The following FSTL4 variants were observed in gnomAD, a reference collection of about 807,000 sequenced individuals.
FSTL4 encodes the protein follistatin-related protein 4.
In FSTL4, 28 loss-of-function variants were observed where a neutral mutation model predicts 78.2. The observed-to-expected ratio is 0.36, with a 90% CI of 0.27 to 0.49. The LOEUF is 0.49. Ranked by LOEUF, FSTL4 falls within the 20% of genes least tolerant of loss-of-function variation. FSTL4 has a pLI of 0.98. For synonymous variants in FSTL4, 422 were observed against 440.5 expected (o/e 0.96, Z 0.53); for missense variants, 922 against 1,084.9 (o/e 0.85, Z 2.11).
At chr5:133,226,602 G>A (rs542580917) in intron 8 of FSTL4, among the ~76,000 whole-genome samples, 1 of 152,290 alleles carries the variant, frequency 6.6e-6, no homozygotes, top group Admixed American at 6.5e-5. Context: ...GGAATTGAGG[G>A]TTCTTCCTTA....
chr5:133,756,259 C>T, the FSTL4 span, among the ~76,000 whole-genome samples: 1 of 151,906 alleles, frequency 6.6e-6, no homozygotes, highest in Non-Finnish European at 1.5e-5. Flanking sequence ...TGTGCCAGGA[C>T]ACCAGGGAAC....
chr5:133,344,663 T>A (rs1015887884), intron 4 of FSTL4, among the ~76,000 whole-genome samples: 1 of 152,230 alleles, frequency 6.6e-6, no homozygotes, highest in Non-Finnish European at 1.5e-5. Flanking sequence ...TTAAAAAATT[T>A]ATTGAGGGAT....
chr5:133,198,256 G>C lies in FSTL4; in HGVS notation c.*839C>G, dbSNP rs1750200801. The C allele has an allele frequency of 6.6e-6, 1 of 152,484 alleles. No homozygotes were observed. Among genetic ancestry groups the C allele is most frequent in the South Asian group, 2.1e-4 (1 of 4,800 alleles). The allele number at this position is 152,484 out of a possible 1,614,324, so 9.4% of individuals were successfully genotyped here. A position where few individuals can be genotyped will look rare whatever the true frequency, so the allele number is the denominator to read the frequency against. The stretch of plus-strand genomic sequence containing the variant: ...ACAGAACTTGTTCTGGTTTTTTGGG[G>C]TCCCAACACAGAACCGAGTCCTTAC... On this transcript the variant is annotated 3_prime_UTR_variant, in exon 16 of 16. Coordinates refer to ENST00000265342, the MANE Select transcript of FSTL4 (RefSeq NM_015082.2).
intron 4 of FSTL4, among the ~76,000 whole-genome samples, chr5:133,372,106 C>G (rs1755319628): frequency 6.6e-6 from 1 of 152,210 alleles, no homozygotes; most frequent in Non-Finnish European, 1.5e-5. Flanking sequence ...CCAAACACAC[C>G]TCATCAAACT....
chr5:133,343,113 T>G (rs2126919929), intron 4 of FSTL4, among the ~76,000 whole-genome samples: 1 of 152,276 alleles, frequency 6.6e-6, no homozygotes, highest in East Asian at 1.9e-4. Flanking sequence ...TTATTGTGCA[T>G]CATCACAAGG....
chr5:133,617,176 A>G (rs397693), upstream of FSTL4, among the ~76,000 whole-genome samples: 63,031 of 151,514 alleles, frequency 0.42, 13,464 homozygotes, highest in African/African-American at 0.51. Flanking sequence ...GCACGCGCCT[A>G]TAGTCTCAGC....
the FSTL4 span, among the ~76,000 whole-genome samples, chr5:133,761,390 C>T: frequency 3.0e-4 from 45 of 152,222 alleles, no homozygotes; most frequent in African/African-American, 8.9e-4. Context: ...CTAACATTCT[C>T]GGTAAATAAA....
chr5:133,425,356 C>A (rs1432119403), intron 3 of FSTL4, among the ~76,000 whole-genome samples: 1 of 152,216 alleles, frequency 6.6e-6, no homozygotes, highest in African/African-American at 2.4e-5. Flanking sequence ...TAGAGGCTGG[C>A]AGAGATAATG....
At chr5:133,665,634 G>A in the FSTL4 span, among the ~76,000 whole-genome samples, 1 of 151,916 alleles carries the variant, frequency 6.6e-6, no homozygotes, top group Non-Finnish European at 1.5e-5. Flanking sequence ...GACTGAGAAA[G>A]CAGCCTTCAC....
At chr5:133,348,194 T>C (rs1038618606) in intron 4 of FSTL4, among the ~76,000 whole-genome samples, 6 of 152,258 alleles carry the variant, frequency 3.9e-5, no homozygotes, top group African/African-American at 1.4e-4. Flanking sequence ...GACCATTTTC[T>C]GAAAATGAAG....
chr5:133,549,799 T>C (rs1759656628), intron 3 of FSTL4, among the ~76,000 whole-genome samples: 1 of 152,242 alleles, frequency 6.6e-6, no homozygotes, highest in Non-Finnish European at 1.5e-5. Flanking sequence ...AAAGCTTAGC[T>C]TGTGGTTCCT....
intron 6 of FSTL4, among the ~76,000 whole-genome samples, chr5:133,272,980 G>C (rs1343943051): frequency 6.6e-6 from 1 of 152,242 alleles, no homozygotes; most frequent in Non-Finnish European, 1.5e-5. Flanking sequence ...TCTTGCCAGG[G>C]TTTGCCATCC....
At chr5:133,552,007 A>G (rs955798719) in intron 3 of FSTL4, among the ~76,000 whole-genome samples, 1 of 152,222 alleles carries the variant, frequency 6.6e-6, no homozygotes, top group Non-Finnish European at 1.5e-5. Flanking sequence ...ATAAGATAGA[A>G]TGATGGAAGA....
chr5:133,523,003 C>A (rs1339673772), intron 3 of FSTL4, among the ~76,000 whole-genome samples: 1 of 152,068 alleles, frequency 6.6e-6, no homozygotes, highest in Non-Finnish European at 1.5e-5. Flanking sequence ...CCCCCCTACC[C>A]CACATTCATG....
intron 6 of FSTL4, among the ~76,000 whole-genome samples, chr5:133,300,893 C>T (rs1045371451): frequency 3.3e-5 from 5 of 151,660 alleles, no homozygotes; most frequent in South Asian, 4.2e-4. Flanking sequence ...CTCTGCTGCT[C>T]GGGCCCCGCT....
chr5:133,582,870 C>T (rs944621182), intron 2 of FSTL4, among the ~76,000 whole-genome samples: 2 of 152,118 alleles, frequency 1.3e-5, no homozygotes, highest in African/African-American at 2.4e-5. Context: ...CTTTGAGATG[C>T]CCTCCTCTCC....
intron 11 of FSTL4, among the ~76,000 whole-genome samples, chr5:133,222,824 G>A (rs1244484714): frequency 6.6e-6 from 1 of 152,336 alleles, no homozygotes; most frequent in East Asian, 1.9e-4. Flanking sequence ...CATTTCTCCT[G>A]TTGAGACTTG....
Position 133,199,287 on chromosome 5 carries a change from C to T in FSTL4, c.2337G>A (p.Glu779=). ...GKVGMLKNLK[E]PPAGPAQPWG... ...AGGGCTGAGCTGGCCCTGCGGGTGGCTCCTTTAAGTTCTTCAGCATGCCCA... is the reference window on the plus strand; with the variant it reads ...AGGGCTGAGCTGGCCCTGCGGGTGGTTCCTTTAAGTTCTTCAGCATGCCCA... The change falls in exon 16 of 16, where the codon GAG becomes GAA. Residue 779 remains glutamate, a synonymous_variant. Coordinates refer to ENST00000265342, the MANE Select transcript of FSTL4 (RefSeq NM_015082.2). The surrounding 1 kb of genome is among the most constrained non-coding windows in gnomAD (Gnocchi z 4.4). 6.2e-7 allele frequency: 1 copy of T among 1,613,990 alleles called. No individual in the cohort carries two copies. The highest frequency in any genetic ancestry group is 8.5e-7 in the Non-Finnish European group (1 of 1,179,848).
chr5:133,821,579 G>T, the FSTL4 span, among the ~76,000 whole-genome samples: 1 of 152,296 alleles, frequency 6.6e-6, no homozygotes, highest in African/African-American at 2.4e-5. Context: ...GGCAGGAATT[G>T]GCAGTGTGTG....
Sources: allele counts gnomAD v4.1 joint callset (sites outside exome capture counted in the v4.1 genomes callset), GRCh38; gene constraint gnomAD v4.1.1; non-coding constraint Gnocchi (gnomAD v3.1); transcripts MANE v1.5; gene names NCBI Gene and HGNC (gene_info 2026-07-23, HGNC 2026-07-21).